SMOC2: variants seen among roughly 807,000 people sequenced by gnomAD.
The protein encoded by SMOC2 is SPARC related modular calcium binding 2, also known as SPARC-related modular calcium-binding protein 2.
A neutral mutation model predicts 61.4 loss-of-function variants in SMOC2; 39 were observed. The ratio of observed to expected loss-of-function variants is 0.64; its 90% CI spans 0.49 to 0.83. SMOC2 has a LOEUF of 0.83. Ranked by LOEUF, SMOC2 falls within the 40% of genes least tolerant of loss-of-function variation. SMOC2 has a pLI of 0.00. For synonymous variants in SMOC2, 247 were observed against 239.9 expected (o/e 1.03, Z -0.27); for missense variants, 556 against 592.9 (o/e 0.94, Z 0.65).
intron 1 of SMOC2, among the ~76,000 whole-genome samples, chr6:168,471,058 T>C (rs1781957478): frequency 1.3e-5 from 2 of 152,226 alleles, no homozygotes; most frequent in South Asian, 2.1e-4. Flanking sequence ...ACATTTTTAA[T>C]TGAAGTAAAA....
chr6:168,466,197 G>A (rs917838759), intron 1 of SMOC2, among the ~76,000 whole-genome samples: 1 of 150,248 alleles, frequency 6.7e-6, no homozygotes, highest in Non-Finnish European at 1.5e-5. Context: ...AACATTGGGG[G>A]CTCTGAATGA....
intron 7 of SMOC2, among the ~76,000 whole-genome samples, chr6:168,595,961 G>C (rs1457246340): frequency 6.6e-6 from 1 of 152,248 alleles, no homozygotes; most frequent in Non-Finnish European, 1.5e-5. Flanking sequence ...CATAAATTCT[G>C]TGCACTAATA....
chr6:168,560,870 G>A (rs865882095), intron 7 of SMOC2, among the ~76,000 whole-genome samples: 76 of 6,302 alleles, frequency 0.012, no homozygotes, highest in African/African-American at 0.017. Context: ...CCTGAGACAC[G>A]AGGCTCTCAC....
At chr6:168,592,671 G>T (rs1438606312) in intron 7 of SMOC2, among the ~76,000 whole-genome samples, 1 of 110,252 alleles carries the variant, frequency 9.1e-6, no homozygotes, top group Admixed American at 8.5e-5. Context: ...CCTCCTTCCT[G>T]AGGCCTCACG....
At chr6:168,520,364 C>T (rs1052252648) in intron 2 of SMOC2, among the ~76,000 whole-genome samples, 4 of 152,174 alleles carry the variant, frequency 2.6e-5, no homozygotes, top group Non-Finnish European at 4.4e-5. Flanking sequence ...CTATCATTGC[C>T]GTGGCCACTA....
chr6:168,490,876 C>T (rs1162253302), intron 1 of SMOC2, among the ~76,000 whole-genome samples: 1 of 152,214 alleles, frequency 6.6e-6, no homozygotes, highest in African/African-American at 2.4e-5. Context: ...GAGGTGAGCC[C>T]TCTGTTGCTG....
In SMOC2 at chr6:168,616,026, T is replaced by A. The variant is rs181967280; in HGVS notation, c.907+7787T>A. On this transcript the variant is annotated intron_variant, in intron 9 of 12. Transcript: ENST00000356284. ...TTCCTGCCAGGTATCATGTGACATG[T>A]AAGGACCTCGGTGTTTACCTTTTCT... is the stretch of plus-strand genomic sequence containing the variant. Among the ~76,000 whole-genome samples, 54 of 152,332 alleles carry A rather than the reference T, an allele frequency of 3.5e-4. No individual in the cohort carries two copies. The East Asian group carries it at 8.9e-3, about 25-fold the overall frequency.
intron 9 of SMOC2, among the ~76,000 whole-genome samples, chr6:168,621,339 A>G (rs1311820285): frequency 2.6e-5 from 4 of 152,210 alleles, no homozygotes; most frequent in African/African-American, 9.6e-5. Flanking sequence ...GGAGAATAGT[A>G]TTAGTCCCAG....
chr6:168,575,671 A>C (rs1583125235), intron 7 of SMOC2, among the ~76,000 whole-genome samples: 1 of 152,348 alleles, frequency 6.6e-6, no homozygotes, highest in Middle Eastern at 3.4e-3. Context: ...CCAAAAAATA[A>C]ATCATGCTAA....
chr6:168,463,764 C>T (rs1010004139), intron 1 of SMOC2, among the ~76,000 whole-genome samples: 6 of 152,112 alleles, frequency 3.9e-5, no homozygotes, highest in Admixed American at 6.6e-5. Context: ...CAGGCCCAGG[C>T]GTGTTGCTCA....
rs543766353 is a variant in SMOC2, at chr6:168,613,659, G to A, written c.907+5420G>A. Among the ~76,000 whole-genome samples the A allele has an allele frequency of 4.7e-3, 595 of 127,458 alleles. 6 individuals are homozygous for A. Among genetic ancestry groups the A allele is most frequent in the African/African-American group, 0.016 (552 of 33,468 alleles). 83.6% of individuals were successfully genotyped at this position (127,458 alleles called of 152,430 possible). A position where few individuals can be genotyped will look rare whatever the true frequency, so the allele number is the denominator to read the frequency against. ...TTCACACCTACAGCCAGCACATGGA[G>A]CCTCTTCACACCTACAGCCAGCACA... is the stretch of plus-strand genomic sequence containing the variant. On this transcript the variant is annotated intron_variant, in intron 9 of 12. Coordinates refer to ENST00000356284, the MANE Select transcript of SMOC2 (RefSeq NM_001166412.2).
intron 1 of SMOC2, among the ~76,000 whole-genome samples, chr6:168,490,795 G>A (rs1782455388): frequency 1.3e-5 from 2 of 152,176 alleles, no homozygotes. Context: ...CACGCTTACT[G>A]TGGCTGAGTC....
chr6:168,542,829 G>A (rs1229601990), intron 4 of SMOC2, among the ~76,000 whole-genome samples: 2 of 151,906 alleles, frequency 1.3e-5, no homozygotes, highest in Non-Finnish European at 2.9e-5. Flanking sequence ...ATGTTGGTCT[G>A]TATTTCTGTC....
rs191144250 is a variant in SMOC2 at position 168,553,101 on chromosome 6, T to C, written c.637+3898T>C. Reference sequence around the variant, plus strand: ...ATACATAACTGGAAAAGAGAGAATCTAGGCACCCCTAGAGGTTGCCTATTA... The same window carrying C: ...ATACATAACTGGAAAAGAGAGAATCCAGGCACCCCTAGAGGTTGCCTATTA... On this transcript the variant is annotated intron_variant, in intron 7 of 12. Coordinates refer to ENST00000356284, the MANE Select transcript of SMOC2 (RefSeq NM_001166412.2). The surrounding 1 kb of genome is among the most constrained non-coding windows in gnomAD (Gnocchi z 4.2). 3.8e-4 allele frequency among the ~76,000 whole-genome samples: 58 copies of C among 152,332 alleles called. No individual in the cohort carries two copies. The highest frequency in any genetic ancestry group is 1.4e-3 in the Admixed American group (21 of 15,300).
rs1300083873 is a variant in SMOC2 at position 168,523,083 on chromosome 6, T to C, written c.257-3263T>C. On this transcript the variant is annotated intron_variant, in intron 2 of 12. Coordinates refer to ENST00000356284, the MANE Select transcript of SMOC2 (RefSeq NM_001166412.2). ...GTTATTTGTAGTTGTACAGTAATTT[T>C]TTTTTTTTTTTTTTTTGAGACGGAG... is the stretch of plus-strand genomic sequence containing the variant. Among the ~76,000 whole-genome samples, 5 of 87,258 alleles carry C rather than the reference T, an allele frequency of 5.7e-5. 1 individual carries two copies. Among genetic ancestry groups the C allele is most frequent in the Non-Finnish European group, 6.3e-5 (2 of 31,626 alleles). 57.2% of individuals were successfully genotyped at this position (87,258 alleles called of 152,430 possible). A position where few individuals can be genotyped will look rare whatever the true frequency, so the allele number is the denominator to read the frequency against.
chr6:168,581,144 C>A (rs1341482960), intron 7 of SMOC2, among the ~76,000 whole-genome samples: 1 of 152,148 alleles, frequency 6.6e-6, no homozygotes, highest in African/African-American at 2.4e-5. Context: ...TGCCCCCACA[C>A]CTGGTCTGCC....
Position 168,509,937 on chromosome 6 carries a change from A to G in SMOC2, c.107A>G (p.Lys36Arg). The G allele has an allele frequency of 6.2e-7, 1 of 1,605,454 alleles. No homozygotes were observed. The highest frequency in any genetic ancestry group is 8.5e-7 in the Non-Finnish European group (1 of 1,173,814). ...ALTFLRVDQD[K>R]DKDCSLDCAG... is the part of the protein sequence containing the mutation. ...AAGTTTTTGAGAGTGGATCAAGATA[A>G]AGACAAGGATTGTAGCTTGGACTGT... The change falls in exon 2 of 13, where the codon AAA becomes AGA. Residue 36 changes from lysine (K) to arginine (R), a missense_variant. Transcript: ENST00000356284.
chr6:168,589,410 G>T (rs993881982), intron 7 of SMOC2, among the ~76,000 whole-genome samples: 1 of 152,256 alleles, frequency 6.6e-6, no homozygotes, highest in African/African-American at 2.4e-5. Flanking sequence ...ATTCAACCAC[G>T]CAGCTGCCAG....
intron 4 of SMOC2, among the ~76,000 whole-genome samples, chr6:168,532,034 C>T (rs1432811024): frequency 6.6e-6 from 1 of 152,146 alleles, no homozygotes; most frequent in Non-Finnish European, 1.5e-5. Context: ...TCCAAGTCCA[C>T]TTCATGTTCT....
Sources: gnomAD v4.1 joint callset for allele counts (sites outside exome capture counted in the v4.1 genomes callset) on GRCh38, gnomAD v4.1.1 for gene constraint, Gnocchi (gnomAD v3.1) non-coding constraint, MANE v1.5 for transcripts, NCBI Gene and HGNC (gene_info 2026-07-23, HGNC 2026-07-21) for gene names.